DZIP1L: variants seen among roughly 807,000 people sequenced by gnomAD.
DZIP1L encodes cilium assembly protein DZIP1L.
In DZIP1L, 90 loss-of-function variants were observed where a neutral mutation model predicts 88.7. That is an observed-to-expected ratio of 1.02 (90% CI 0.86 to 1.21). The LOEUF is 1.21. DZIP1L is among the 50% of genes most tolerant of loss of function. The pLI, the probability that DZIP1L is intolerant of heterozygous loss-of-function variation, is 0.00. For synonymous variants in DZIP1L, 363 were observed against 372.1 expected (o/e 0.98, Z 0.28); for missense variants, 932 against 955.8 (o/e 0.98, Z 0.33).
chr3:138,097,181 C>CA (rs71304267), intron 3 of DZIP1L, among the ~76,000 whole-genome samples: 3,905 of 103,206 alleles, frequency 0.038, 138 homozygotes, highest in Admixed American at 0.15. Flanking sequence ...GACCCTGTCT[C>CA]AAAAAAAAAA....
At chr3:138,075,885 G>A (rs937449458) in intron 11 of DZIP1L, among the ~76,000 whole-genome samples, 4 of 152,068 alleles carry the variant, frequency 2.6e-5, no homozygotes, top group African/African-American at 9.7e-5. Context: ...CTTGAACCAG[G>A]GAGTCGGAGG....
intron 11 of DZIP1L, among the ~76,000 whole-genome samples, chr3:138,073,547 A>G (rs1207662025): frequency 6.6e-6 from 1 of 152,188 alleles, no homozygotes; most frequent in Non-Finnish European, 1.5e-5. Context: ...ACCCCATGGG[A>G]CAGAAGCATC....
chr3:138,104,135 G>A lies in DZIP1L; in HGVS notation c.-81-83C>T, dbSNP rs148287587. 288 of 1,306,698 alleles carry A rather than the reference G, an allele frequency of 2.2e-4. 1 individual carries two copies. In the African/African-American group the frequency reaches 3.0e-3, roughly 14 times the overall value. 80.9% of individuals were successfully genotyped at this position (1,306,698 alleles called of 1,614,324 possible). ...ATATCTGGCCAGCAAGGGCCTAAGC[G>A]GGGCAAAGTGAGGTGTCTGTGCAGC... is the stretch of plus-strand genomic sequence containing the variant. On this transcript the variant is annotated intron_variant, in intron 1 of 15. Transcript: ENST00000327532.
rs114974820 is a variant in DZIP1L at position 138,077,582 on chromosome 3, G to C, written c.1339C>G (p.Arg447Gly). 57 of 1,614,042 alleles carry C rather than the reference G, an allele frequency of 3.5e-5. No individual in the cohort carries two copies. In the African/African-American group the frequency reaches 7.1e-4, roughly 20 times the overall value. ...AAGTGCTTCAGCAAAGTGGGGTTAC[G>C]CCTCAGAGCTGCCAGCACCTTGTGC... ...EQHKVLAALR[R>G]NPTLLKHFRP... The change falls in exon 11 of 16, where the codon CGT becomes GGT. Residue 447 changes from arginine to glycine, a missense_variant. Arg to Gly is a moderately radical substitution (Grantham distance 125, BLOSUM62 -2). Transcript: ENST00000327532.
rs72973020 is a variant in DZIP1L at position 138,089,078 on chromosome 3, T to C, written c.871-571A>G. 2,222 of 985,450 alleles carry C rather than the reference T, an allele frequency of 2.3e-3. 37 individuals are homozygous for C. In the African/African-American group the frequency reaches 0.037, roughly 16 times the overall value. The allele number at this position is 985,450 out of a possible 1,614,324, so 61.0% of individuals were successfully genotyped here. ...TCCACCCACCTTTGATTATTTCTTA[T>C]AATATATGACTGTCGTAGTAACAAA... On this transcript the variant is annotated intron_variant, in intron 5 of 15. Transcript: ENST00000327532.
At chr3:138,077,386 A>G (rs1943461522) in intron 11 of DZIP1L, 113 bp downstream of exon 11, 1 of 1,509,992 alleles carries the variant, frequency 6.6e-7, no homozygotes, top group Non-Finnish European at 9.0e-7. Flanking sequence ...GGCTGCCACA[A>G]GTGAGATGAA....
chr3:138,090,101 C>T (rs563576021), intron 5 of DZIP1L, among the ~76,000 whole-genome samples: 6 of 151,674 alleles, frequency 4.0e-5, no homozygotes, highest in Non-Finnish European at 8.8e-5. Flanking sequence ...GATTGTGCCA[C>T]TGCACTCGAG....
At chr3:138,088,037 CA>C (rs1467212287) in intron 6 of DZIP1L, among the ~76,000 whole-genome samples, 4 of 152,224 alleles carry the variant, frequency 2.6e-5, no homozygotes, top group Admixed American at 2.6e-4. Context: ...CAACTACCAT[CA>C]CAACAATGGA....
chr3:138,088,784 A>G (rs1944069747), intron 5 of DZIP1L: 1 of 1,074,132 alleles, frequency 9.3e-7, no homozygotes, highest in Non-Finnish European at 1.1e-6. Context: ...TATACTCAAA[A>G]TCCCGAGCTC....
chr3:138,077,215 G>A (rs1474195408), intron 11 of DZIP1L, among the ~76,000 whole-genome samples: 1 of 152,154 alleles, frequency 6.6e-6, no homozygotes, highest in African/African-American at 2.4e-5. Flanking sequence ...TAGAGACACA[G>A]AGGGAAGTAA....
At position 138,092,402 on chromosome 3, in the gene DZIP1L, T is replaced by C. The variant is rs1431821204; in HGVS notation, c.851A>G (p.Gln284Arg). Reference sequence around the variant, plus strand: ...GGGTACCTCTTCTAGTGTAGAGTTCTGCTTGGCGACATTTTTAAATTCATC... The same window carrying C: ...GGGTACCTCTTCTAGTGTAGAGTTCCGCTTGGCGACATTTTTAAATTCATC... ...FWDEFKNVAKQNSTLEEKLRA... is the reference protein window; with the variant it reads ...FWDEFKNVAKRNSTLEEKLRA... The change falls in exon 5 of 16, where the codon CAG becomes CGG. Residue 284 changes from glutamine (Q) to arginine (R), a missense_variant. Physicochemically the swap from Gln to Arg is conservative, Grantham distance 43. Transcript: ENST00000327532. 1.9e-6 allele frequency: 3 copies of C among 1,598,998 alleles called. No homozygotes were observed. Among genetic ancestry groups the C allele is most frequent in the Non-Finnish European group, 1.7e-6 (2 of 1,174,664 alleles).
At chr3:138,102,607 G>C (rs2042355216) in intron 2 of DZIP1L, 22 of 1,473,800 alleles carry the variant, frequency 1.5e-5, no homozygotes, top group Non-Finnish European at 2.1e-5. Context: ...GTCTATGAAG[G>C]AGGCAAACTT....
intron 9 of DZIP1L, among the ~76,000 whole-genome samples, 167 bp downstream of exon 9, chr3:138,081,567 A>C (rs77854697): frequency 0.012 from 1,828 of 152,330 alleles, 42 homozygotes; most frequent in African/African-American, 0.041. Flanking sequence ...AGCCTTCAGC[A>C]CAAACAGAGC....
In DZIP1L at chr3:138,103,556, A is replaced by G; in HGVS notation, c.416T>C (p.Val139Ala). 6.2e-7 allele frequency: 1 copy of G among 1,609,618 alleles called. No homozygotes were observed. Among genetic ancestry groups the G allele is most frequent in the Non-Finnish European group, 8.5e-7 (1 of 1,179,754 alleles). Residue 139 changes from valine (V) to alanine (A), a missense_variant, in exon 2 of 16, where the codon GTG becomes GCG. Coordinates refer to ENST00000327532, the MANE Select transcript of DZIP1L (RefSeq NM_173543.3). ...GCGACGCCGGCGGCTCTCCTCCCGC[A>G]CACCCTTGAGCTCGTCAGCCTGGCG... ...LGRQADELKG[V>A]REESRRRRKM...
Position 138,077,481 on chromosome 3 carries a change from G to T in DZIP1L, c.1422+18C>A. ...AATCGTAGGTATCAGCCCTTAAAAC[G>T]ATGGCCCTGAAACTCACCTTCCTTA... On this transcript the variant is annotated intron_variant, in intron 11 of 15. Coordinates refer to ENST00000327532, the MANE Select transcript of DZIP1L (RefSeq NM_173543.3). 1 of 1,613,716 alleles carries T rather than the reference G, an allele frequency of 6.2e-7. No individual in the cohort carries two copies. Among genetic ancestry groups the T allele is most frequent in the East Asian group, 2.2e-5 (1 of 44,864 alleles).
chr3:138,102,156 A>G lies in DZIP1L; in HGVS notation c.501+1315T>C, dbSNP rs183415132. The G allele has an allele frequency of 4.4e-4, 610 of 1,380,978 alleles. 1 individual carries two copies. The African/African-American group carries it at 7.7e-3, about 17-fold the overall frequency. The allele number at this position is 1,380,978 out of a possible 1,614,324, so 85.5% of individuals were successfully genotyped here. On this transcript the variant is annotated intron_variant, in intron 2 of 15. Coordinates refer to ENST00000327532, the MANE Select transcript of DZIP1L (RefSeq NM_173543.3). ...CTCAGCGATGATGCTGTCCATGTCC[A>G]GGGAGTGACTGTTGTCCATGGACAG...
intron 3 of DZIP1L, among the ~76,000 whole-genome samples, chr3:138,095,404 T>A (rs1353309655): frequency 6.6e-6 from 1 of 151,836 alleles, no homozygotes. Flanking sequence ...TATCCATGTA[T>A]CCTGACAGTA....
intron 8 of DZIP1L, among the ~76,000 whole-genome samples, 164 bp downstream of exon 8, chr3:138,083,949 C>T (rs1008754823): frequency 7.9e-5 from 12 of 152,210 alleles, no homozygotes; most frequent in Admixed American, 1.3e-4. Context: ...GAGGCAGCTA[C>T]AGCCTTATCA....
At chr3:138,077,780 G>T in intron 10 of DZIP1L, 148 bp from the exon 11 acceptor site, 1 of 1,178,314 alleles carries the variant, frequency 8.5e-7, no homozygotes, top group Non-Finnish European at 1.2e-6. Flanking sequence ...CCTTAAAGCA[G>T]CTTGCTCTCT....
Sources: gnomAD v4.1 joint callset for allele counts (sites outside exome capture counted in the v4.1 genomes callset) on GRCh38, gnomAD v4.1.1 for gene constraint, MANE v1.5 for transcripts, NCBI Gene and HGNC (gene_info 2026-07-23, HGNC 2026-07-21) for gene names.